The following MEGF11 variants were observed in gnomAD, a reference collection of about 807,000 sequenced individuals.
MEGF11 encodes multiple EGF like domains 11.
In MEGF11, 126 loss-of-function variants were observed where a neutral mutation model predicts 146.6. The observed-to-expected ratio is 0.86, with a 90% CI of 0.74 to 1.00. The LOEUF is 1.00. Ranked by LOEUF, MEGF11 falls within the 50% of genes least tolerant of loss-of-function variation. The pLI is 0.00. For missense variants in MEGF11, 1,509 were observed against 1,521.2 expected, an observed-to-expected ratio of 0.99 and a Z score of 0.13; for synonymous variants, 532 against 583.4, an observed-to-expected ratio of 0.91 and a Z score of 1.27.
At chr15:66,052,784 TAGA>T (rs1378692870) in intron 5 of MEGF11, among the ~76,000 whole-genome samples, 3 of 152,160 alleles carry the variant, frequency 2.0e-5, no homozygotes, top group African/African-American at 7.2e-5. Flanking sequence ...TAAACCATGT[TAGA>T]AGGTTCTCAA....
At chr15:66,007,407 G>A (rs1020666189) in intron 5 of MEGF11, among the ~76,000 whole-genome samples, 38 of 152,114 alleles carry the variant, frequency 2.5e-4, no homozygotes, top group African/African-American at 9.2e-4. Flanking sequence ...TCAGGGAAAA[G>A]TTGAATAATT....
chr15:66,163,306 A>G (rs933465630), intron 1 of MEGF11, among the ~76,000 whole-genome samples: 2 of 152,172 alleles, frequency 1.3e-5, no homozygotes, highest in African/African-American at 4.8e-5. Flanking sequence ...GCACATAACC[A>G]TTACTCTATC....
At chr15:65,948,999 TGA>T (rs1390654308) in intron 10 of MEGF11, among the ~76,000 whole-genome samples, 1 of 152,040 alleles carries the variant, frequency 6.6e-6, no homozygotes, top group Non-Finnish European at 1.5e-5. Context: ...TAGTGGGAGG[TGA>T]GGGGATGAGA....
At chr15:65,956,006 T>C (rs2080619870) in intron 10 of MEGF11, among the ~76,000 whole-genome samples, 1 of 151,686 alleles carries the variant, frequency 6.6e-6, no homozygotes, top group Non-Finnish European at 1.5e-5. Flanking sequence ...CAACCTGGCT[T>C]TAAAAGACAT....
At chr15:66,178,242 T>G (rs1045293180) in intron 1 of MEGF11, among the ~76,000 whole-genome samples, 1 of 152,156 alleles carries the variant, frequency 6.6e-6, no homozygotes, top group African/African-American at 2.4e-5. Context: ...TTCCTCGGCT[T>G]CCCAAAGTGC....
chr15:65,955,773 T>TAG (rs1567174965), intron 10 of MEGF11, among the ~76,000 whole-genome samples: 2 of 7,608 alleles, frequency 2.6e-4, no homozygotes, highest in Non-Finnish European at 5.1e-4. Context: ...TATATATATA[T>TAG]ATATATATAT....
chr15:66,017,283 G>A (rs2082921162), intron 5 of MEGF11, among the ~76,000 whole-genome samples: 1 of 152,164 alleles, frequency 6.6e-6, no homozygotes, highest in Non-Finnish European at 1.5e-5. Flanking sequence ...TGGTGCCCCT[G>A]GGTCCTCAGG....
At chr15:66,022,391 C>T (rs894533750) in intron 5 of MEGF11, among the ~76,000 whole-genome samples, 1 of 152,220 alleles carries the variant, frequency 6.6e-6, no homozygotes, top group Non-Finnish European at 1.5e-5. Context: ...AGGTGACAGA[C>T]GTTTTTAAGA....
At chr15:66,242,306 G>A (rs974355698) in intron 1 of MEGF11, among the ~76,000 whole-genome samples, 3 of 151,766 alleles carry the variant, frequency 2.0e-5, no homozygotes, top group African/African-American at 4.8e-5. Flanking sequence ...CTACTTGGGA[G>A]GTTGAGGCCA....
intron 3 of MEGF11, among the ~76,000 whole-genome samples, chr15:66,122,374 T>C (rs556457532): frequency 1.3e-4 from 20 of 152,062 alleles, no homozygotes; most frequent in African/African-American, 4.3e-4. Flanking sequence ...CAAGCATAGC[T>C]CTGCTCAATG....
chr15:65,966,936 C>T (rs1296000851), intron 8 of MEGF11: 1 of 151,690 alleles, frequency 6.6e-6, no homozygotes, highest in African/African-American at 2.4e-5. Context: ...AAGGGTTAAA[C>T]CTGGAGGAAT....
chr15:66,150,553 A>G (rs1242304456), intron 1 of MEGF11, among the ~76,000 whole-genome samples: 1 of 151,880 alleles, frequency 6.6e-6, no homozygotes, highest in Non-Finnish European at 1.5e-5. Flanking sequence ...ATGGGCAAGC[A>G]GGCCTATCCC....
At position 65,897,774 on chromosome 15, in the gene MEGF11, AT is replaced by A; in HGVS notation, c.*159del. On this transcript the variant is annotated 3_prime_UTR_variant, in exon 26 of 26. Coordinates refer to ENST00000395614, the MANE Select transcript of MEGF11 (RefSeq NM_001385028.1). Reference sequence around the variant, plus strand: ...TGAGAACACAATTCCTTGAACAATTATCCCAGTCCCACCTGGACGCTCTTCT... The same window carrying A: ...TGAGAACACAATTCCTTGAACAATTACCCAGTCCCACCTGGACGCTCTTCT... 1.6e-6 allele frequency: 1 copy of A among 640,836 alleles called. No homozygotes were observed. Among genetic ancestry groups the A allele is most frequent in the Non-Finnish European group, 2.5e-6 (1 of 401,408 alleles). The allele number at this position is 640,836 out of a possible 1,614,324, so 39.7% of individuals were successfully genotyped here. A position where few individuals can be genotyped will look rare whatever the true frequency, so the allele number is the denominator to read the frequency against.
chr15:66,112,312 A>T (rs1169523143), intron 4 of MEGF11, among the ~76,000 whole-genome samples: 3 of 152,218 alleles, frequency 2.0e-5, no homozygotes, highest in African/African-American at 7.2e-5. Context: ...AAAGCACAAC[A>T]TATCCGAAAA....
At chr15:66,054,418 T>C (rs969187916) in intron 5 of MEGF11, among the ~76,000 whole-genome samples, 2 of 152,140 alleles carry the variant, frequency 1.3e-5, no homozygotes, top group Non-Finnish European at 2.9e-5. Flanking sequence ...CTCTCCAACA[T>C]TCCCAGACTA....
At chr15:66,053,279 A>G (rs1199913403) in intron 5 of MEGF11, among the ~76,000 whole-genome samples, 1 of 152,234 alleles carries the variant, frequency 6.6e-6, no homozygotes, top group Non-Finnish European at 1.5e-5. Context: ...AGATATAAGT[A>G]TGCGAAGGAG....
chr15:66,075,828 A>G (rs2085552468), intron 5 of MEGF11, among the ~76,000 whole-genome samples: 1 of 152,226 alleles, frequency 6.6e-6, no homozygotes, highest in African/African-American at 2.4e-5. Context: ...ATAGCTGCGT[A>G]TGTATCCATG....
chr15:66,181,483 G>A (rs1427031436), intron 1 of MEGF11, among the ~76,000 whole-genome samples: 1 of 152,088 alleles, frequency 6.6e-6, no homozygotes, highest in South Asian at 2.1e-4. Context: ...TTTTTATTTA[G>A]CCACATAAGG....
intron 1 of MEGF11, among the ~76,000 whole-genome samples, chr15:66,170,354 G>A (rs1006473636): frequency 6.6e-6 from 1 of 152,284 alleles, no homozygotes; most frequent in East Asian, 1.9e-4. Context: ...GGGTAGGGTG[G>A]GGGAACTGTG....
Sources: allele counts gnomAD v4.1 joint callset (sites outside exome capture counted in the v4.1 genomes callset), GRCh38; gene constraint gnomAD v4.1.1; transcripts MANE v1.5; gene names NCBI Gene and HGNC (gene_info 2026-07-23, HGNC 2026-07-21).